Variants in KCNB2 observed in about 807,000 individuals in gnomAD.
KCNB2 encodes potassium voltage-gated channel subfamily B member 2.
KCNB2 carries 15 observed loss-of-function variants against 61.5 expected under a neutral mutation model. The observed-to-expected ratio is 0.24, with a 90% CI of 0.16 to 0.38. The LOEUF is 0.38. Ranked by LOEUF, KCNB2 falls within the 10% of genes least tolerant of loss-of-function variation. KCNB2 has a pLI of 1.00. For missense variants in KCNB2, 828 were observed against 1,125.2 expected (o/e 0.74, Z 3.78); for synonymous variants, 457 against 446.0 (o/e 1.02, Z -0.31).
rs189009383 is a variant in KCNB2 at position 72,640,417 on chromosome 8, T to C, written c.579+72104T>C. Reference sequence around the variant, plus strand: ...TTCTTTATTATGGTCATCAGTGATCTGATGTCAAGGCATATTGTGGAAGTG... The same window carrying C: ...TTCTTTATTATGGTCATCAGTGATCCGATGTCAAGGCATATTGTGGAAGTG... On this transcript the variant is annotated intron_variant, in intron 2 of 2. Transcript: ENST00000523207. 5.2e-3 allele frequency among the ~76,000 whole-genome samples: 795 copies of C among 152,192 alleles called. 10 individuals are homozygous for C. The highest frequency in any genetic ancestry group is 0.018 in the African/African-American group (748 of 41,534).
chr8:72,838,247 A>G (rs1809817273), intron 2 of KCNB2, among the ~76,000 whole-genome samples: 1 of 152,054 alleles, frequency 6.6e-6, no homozygotes, highest in Non-Finnish European at 1.5e-5. Flanking sequence ...TATTTCTCCT[A>G]ATGCTATCCT....
chr8:72,538,222 T>C (rs1244090621), intron 1 of KCNB2, among the ~76,000 whole-genome samples: 1 of 152,044 alleles, frequency 6.6e-6, no homozygotes, highest in East Asian at 1.9e-4. Context: ...GGGACTGGAT[T>C]TAGGGAGTGT....
chr8:72,736,432 G>C (rs1807847619), intron 2 of KCNB2, among the ~76,000 whole-genome samples: 1 of 152,038 alleles, frequency 6.6e-6, no homozygotes. Flanking sequence ...AATTCAACAA[G>C]ATAATCAGTT....
At chr8:72,868,055 G>GT (rs1326958708) in intron 2 of KCNB2, among the ~76,000 whole-genome samples, 31 of 120,058 alleles carry the variant, frequency 2.6e-4, no homozygotes, top group African/African-American at 7.9e-4. Context: ...GTTGATTTTG[G>GT]GTTTTTTTTT....
intron 1 of KCNB2, among the ~76,000 whole-genome samples, chr8:72,542,210 G>A (rs1806200326): frequency 1.3e-5 from 2 of 152,170 alleles, no homozygotes; most frequent in African/African-American, 4.8e-5. Context: ...AAATTTGAAA[G>A]CTAAAATGAT....
At chr8:72,845,896 T>C (rs1809982491) in intron 2 of KCNB2, among the ~76,000 whole-genome samples, 1 of 151,884 alleles carries the variant, frequency 6.6e-6, no homozygotes, top group Non-Finnish European at 1.5e-5. Flanking sequence ...TAGGATCCAC[T>C]GAGCTAAACC....
Position 72,937,922 on chromosome 8 carries a change from C to T in KCNB2, c.2567C>T (p.Pro856Leu), listed in dbSNP as rs138896608. ...GAGGGCAGTGTGGGCTCTTCCTCCC[C>T]GCAGGACACAGGTCACAACTGTAGG... ...REEGSVGSSS[P>L]QDTGHNCRQD... Residue 856 changes from proline (P) to leucine (L), a missense_variant, in exon 3 of 3, where the codon CCG becomes CTG. Physicochemically the swap from Pro to Leu is moderately conservative, Grantham distance 98. Transcript: ENST00000523207. 303 of 1,614,036 alleles carry T rather than the reference C, an allele frequency of 1.9e-4. No individual in the cohort carries two copies. The African/African-American group carries it at 3.4e-3, about 18-fold the overall frequency.
chr8:72,920,535 A>G (rs902233015), intron 2 of KCNB2, among the ~76,000 whole-genome samples: 10 of 146,216 alleles, frequency 6.8e-5, no homozygotes, highest in Non-Finnish European at 1.2e-4. Flanking sequence ...TACTCAGGAT[A>G]CTGAGGCTGA....
At chr8:72,881,917 T>C (rs1805713175) in intron 2 of KCNB2, among the ~76,000 whole-genome samples, 1 of 152,192 alleles carries the variant, frequency 6.6e-6, no homozygotes. Flanking sequence ...TGAAAGGCCA[T>C]TAAATTTTTA....
At chr8:72,587,737 G>T (rs929540688) in intron 2 of KCNB2, among the ~76,000 whole-genome samples, 2 of 151,060 alleles carry the variant, frequency 1.3e-5, no homozygotes, top group Non-Finnish European at 2.9e-5. Context: ...CTGTCTCAAT[G>T]GGAAAAAAAA....
rs749884240 is a variant in KCNB2, at chr8:72,936,108, A to C, written c.753A>C (p.Arg251=). ...IAWFTMEYLL[R]FLSSPNKWKF... ...GGTTTACCATGGAGTACCTTTTGCG[A>C]TTCTTATCCTCACCAAATAAATGGA... Residue 251 remains arginine (R), a synonymous_variant, in exon 3 of 3, where the codon CGA becomes CGC. Transcript: ENST00000523207. This position sits in a 1 kb window ranked among gnomAD's most constrained non-coding sequence, Gnocchi z 5.6. 3.1e-6 allele frequency: 5 copies of C among 1,614,080 alleles called. No homozygotes were observed. In the African/African-American group the frequency reaches 6.7e-5, roughly 22 times the overall value.
At chr8:72,570,787 C>T (rs1375710633) in intron 2 of KCNB2, among the ~76,000 whole-genome samples, 2 of 152,058 alleles carry the variant, frequency 1.3e-5, no homozygotes, top group Non-Finnish European at 1.5e-5. Flanking sequence ...CGTGTTTGTC[C>T]TCACTTGCTG....
At position 72,602,073 on chromosome 8, in the gene KCNB2, G is replaced by A. The variant is rs999296915; in HGVS notation, c.579+33760G>A. On this transcript the variant is annotated intron_variant, in intron 2 of 2. Coordinates refer to ENST00000523207, the MANE Select transcript of KCNB2 (RefSeq NM_004770.3). The stretch of plus-strand genomic sequence containing the variant: ...GTTGCAATGGGGGAGGGCAGTGAGG[G>A]GGAAGAAATCCTGGAAAAGCTTTGT... 3.9e-5 allele frequency among the ~76,000 whole-genome samples: 6 copies of A among 152,232 alleles called. No individual in the cohort carries two copies. In the South Asian group the frequency reaches 1.2e-3, roughly 32 times the overall value.
At position 72,936,048 on chromosome 8, in the gene KCNB2, C is replaced by T. The variant is rs761005146; in HGVS notation, c.693C>T (p.Arg231=). 1.2e-6 allele frequency: 2 copies of T among 1,614,182 alleles called. No individual in the cohort carries two copies. The highest frequency in any genetic ancestry group is 2.2e-5 in the South Asian group (2 of 91,082). ...TDEFGQLNDN[R]QLAHVEAVCI... ...AATTTGGACAACTCAATGACAACCG[C>T]CAATTAGCACACGTGGAGGCTGTGT... is the stretch of plus-strand genomic sequence containing the variant. Residue 231 remains arginine (R), a synonymous_variant, in exon 3 of 3, where the codon CGC becomes CGT. Coordinates refer to ENST00000523207, the MANE Select transcript of KCNB2 (RefSeq NM_004770.3). This position sits in a 1 kb window ranked among gnomAD's most constrained non-coding sequence, Gnocchi z 5.6.
At chr8:72,806,987 G>T (rs1223988451) in intron 2 of KCNB2, among the ~76,000 whole-genome samples, 1 of 152,120 alleles carries the variant, frequency 6.6e-6, no homozygotes, top group Non-Finnish European at 1.5e-5. Context: ...CCCCTTTGGG[G>T]CAGATACATC....
At chr8:72,916,903 C>T (rs918599381) in intron 2 of KCNB2, among the ~76,000 whole-genome samples, 1 of 152,168 alleles carries the variant, frequency 6.6e-6, no homozygotes, top group African/African-American at 2.4e-5. Context: ...GCTGCTTCTC[C>T]TCTCTCTGTC....
chr8:72,749,101 C>A (rs958578901), intron 2 of KCNB2, among the ~76,000 whole-genome samples: 1 of 151,928 alleles, frequency 6.6e-6, no homozygotes, highest in African/African-American at 2.4e-5. Flanking sequence ...CTACTCTGAC[C>A]AATCATTTTC....
In KCNB2 at chr8:72,715,061, A is replaced by C. The variant is rs560402885; in HGVS notation, c.579+146748A>C. Among the ~76,000 whole-genome samples the C allele has an allele frequency of 5.3e-3, 800 of 152,344 alleles. 9 individuals are homozygous for C. The highest frequency in any genetic ancestry group is 0.041 in the Middle Eastern group (12 of 294). Reference sequence around the variant, plus strand: ...AACCAACAAAGATCAAAAGAGACAAAGAAGGCCATTACATAATGGTAAAGG... The same window carrying C: ...AACCAACAAAGATCAAAAGAGACAACGAAGGCCATTACATAATGGTAAAGG... On this transcript the variant is annotated intron_variant, in intron 2 of 2. Coordinates refer to ENST00000523207, the MANE Select transcript of KCNB2 (RefSeq NM_004770.3).
At chr8:72,724,173 T>C (rs187764816) in intron 2 of KCNB2, among the ~76,000 whole-genome samples, 64 of 152,316 alleles carry the variant, frequency 4.2e-4, no homozygotes, top group Non-Finnish European at 7.3e-4. Context: ...GTATTTCGTC[T>C]TCCTTGAGGA....
Sources: allele counts gnomAD v4.1 joint callset (sites outside exome capture counted in the v4.1 genomes callset), GRCh38; gene constraint gnomAD v4.1.1; non-coding constraint Gnocchi (gnomAD v3.1); transcripts MANE v1.5; gene names NCBI Gene and HGNC (gene_info 2026-07-23, HGNC 2026-07-21).